Variants in LRRC37A2 observed in about 807,000 individuals in gnomAD.
The protein encoded by LRRC37A2 is leucine-rich repeat-containing protein 37A2.
LRRC37A2 carries 9 observed loss-of-function variants against 68.8 expected under a neutral mutation model. That is an observed-to-expected ratio of 0.13 (90% CI 0.08 to 0.23). LRRC37A2 has a LOEUF of 0.23. Among genes scored for constraint, LRRC37A2 ranks in the 10% least tolerant of loss-of-function variants. The pLI, the probability that LRRC37A2 is intolerant of heterozygous loss-of-function variation, is 1.00. For missense variants in LRRC37A2, 168 were observed against 950.4 expected (o/e 0.18, Z 10.82); for synonymous variants, 63 against 367.6 (o/e 0.17, Z 9.48).
the LRRC37A2 span, chr17:46,714,060 G>T: frequency 6.9e-7 from 1 of 1,441,032 alleles, no homozygotes; most frequent in Non-Finnish European, 9.3e-7. Context: ...ATATGCCTTT[G>T]TACATGTATA....
At chr17:47,037,263 C>T in the LRRC37A2 span, among the ~76,000 whole-genome samples, 1 of 152,086 alleles carries the variant, frequency 6.6e-6, no homozygotes, top group Non-Finnish European at 1.5e-5. Context: ...GCACTCAAGC[C>T]TGGGCAACAG....
At chr17:47,010,359 C>A in the LRRC37A2 span, 1 of 152,278 alleles carries the variant, frequency 6.6e-6, no homozygotes, top group East Asian at 1.9e-4. Flanking sequence ...GGACTGGCAG[C>A]CCCTGCCTAA....
chr17:46,874,423 A>G, the LRRC37A2 span, among the ~76,000 whole-genome samples: 125 of 152,204 alleles, frequency 8.2e-4, no homozygotes, highest in Non-Finnish European at 1.1e-3. Context: ...TTTAGCCCCA[A>G]CTGTGCCTAC....
the LRRC37A2 span, among the ~76,000 whole-genome samples, chr17:46,992,506 G>A: frequency 1.3e-5 from 2 of 152,216 alleles, no homozygotes; most frequent in African/African-American, 2.4e-5. Context: ...CCCAGGCATT[G>A]ATATTTTTAA....
chr17:46,976,526 G>A, the LRRC37A2 span, among the ~76,000 whole-genome samples: 1 of 152,080 alleles, frequency 6.6e-6, no homozygotes, highest in South Asian at 2.1e-4. Context: ...CAGCCTGGGC[G>A]ACAGAGTGAG....
the LRRC37A2 span, among the ~76,000 whole-genome samples, chr17:46,916,510 A>T: frequency 6.6e-6 from 1 of 152,254 alleles, no homozygotes; most frequent in Non-Finnish European, 1.5e-5. Context: ...ACATACATAT[A>T]AAACTCTGAT....
At chr17:47,002,383 T>TTTA in the LRRC37A2 span, among the ~76,000 whole-genome samples, 570 of 69,876 alleles carry the variant, frequency 8.2e-3, 3 homozygotes, top group African/African-American at 0.024. Flanking sequence ...ATTATTTTTA[T>TTTA]TTTTATTTTT....
the LRRC37A2 span, among the ~76,000 whole-genome samples, chr17:46,960,611 C>T: frequency 7.2e-5 from 11 of 152,322 alleles, no homozygotes; most frequent in African/African-American, 2.2e-4. Flanking sequence ...TATCCTTCAA[C>T]TGAAGACAGA....
the LRRC37A2 span, among the ~76,000 whole-genome samples, chr17:46,968,492 C>T: frequency 6.6e-6 from 1 of 152,252 alleles, no homozygotes; most frequent in African/African-American, 2.4e-5. Context: ...ATAACACCCT[C>T]CACCAGCCAC....
At chr17:46,770,793 C>T in the LRRC37A2 span, among the ~76,000 whole-genome samples, 9 of 152,348 alleles carry the variant, frequency 5.9e-5, no homozygotes, top group East Asian at 1.4e-3. Context: ...CAAGGGTGTG[C>T]TCCAGCCTCC....
chr17:46,750,293 C>T, the LRRC37A2 span, among the ~76,000 whole-genome samples: 5 of 152,306 alleles, frequency 3.3e-5, 1 homozygote, highest in Middle Eastern at 6.8e-3. Context: ...GCGGAGGTTG[C>T]AGTGAGCCAA....
chr17:46,856,571 G>A, the LRRC37A2 span, among the ~76,000 whole-genome samples: 11 of 150,320 alleles, frequency 7.3e-5, no homozygotes, highest in Non-Finnish European at 1.5e-4. Flanking sequence ...TGCAGCCTCC[G>A]CCTCCCGGTT....
the LRRC37A2 span, chr17:46,978,846 C>T: frequency 4.8e-5 from 76 of 1,597,136 alleles, no homozygotes; most frequent in Non-Finnish European, 6.4e-5. Flanking sequence ...CGGGCGCCAG[C>T]CCCGCGGGGA....
chr17:46,972,086 C>G, the LRRC37A2 span, among the ~76,000 whole-genome samples: 1 of 12,626 alleles, frequency 7.9e-5, no homozygotes, highest in Non-Finnish European at 7.9e-3. Context: ...GCTGCTTCCC[C>G]GCTTTATGTT....
chr17:46,499,339 G>GGC, the LRRC37A2 span, among the ~76,000 whole-genome samples: 34 of 139,480 alleles, frequency 2.4e-4, no homozygotes, highest in Non-Finnish European at 2.0e-4. Context: ...AAAAAAAGGT[G>GGC]GGGGGACAAT....
chr17:46,761,673 T>C, the LRRC37A2 span, among the ~76,000 whole-genome samples: 1 of 152,222 alleles, frequency 6.6e-6, no homozygotes, highest in Non-Finnish European at 1.5e-5. Context: ...GTAAGATTTG[T>C]TCCTAAATGA....
chr17:46,937,746 C>T, the LRRC37A2 span: 1 of 152,202 alleles, frequency 6.6e-6, no homozygotes, highest in African/African-American at 2.4e-5. Context: ...ATATTGTTAC[C>T]TATTTAATTC....
chr17:46,797,087 C>T, the LRRC37A2 span, among the ~76,000 whole-genome samples: 17,429 of 152,214 alleles, frequency 0.11, 1,300 homozygotes, highest in Non-Finnish European at 0.17. Context: ...GTCACACTGG[C>T]AGGACCTCTC....
chr17:46,731,243 CA>C, the LRRC37A2 span, among the ~76,000 whole-genome samples: 1 of 152,064 alleles, frequency 6.6e-6, no homozygotes, highest in African/African-American at 2.4e-5. Flanking sequence ...AAAAAGACCA[CA>C]TATTGGATGA....
Sources: gnomAD v4.1 joint callset for allele counts (sites outside exome capture counted in the v4.1 genomes callset) on GRCh38, gnomAD v4.1.1 for gene constraint, MANE v1.5 for transcripts, NCBI Gene and HGNC (gene_info 2026-07-23, HGNC 2026-07-21) for gene names.